Variants in SCAPER observed in about 807,000 individuals in gnomAD.
SCAPER encodes S phase cyclin A-associated protein in the endoplasmic reticulum.
A neutral mutation model predicts 182.2 loss-of-function variants in SCAPER; 98 were observed. The ratio of observed to expected loss-of-function variants is 0.54; its 90% CI spans 0.46 to 0.64. SCAPER has a LOEUF of 0.64. Among genes scored for constraint, SCAPER ranks in the 30% least tolerant of loss-of-function variants. SCAPER has a pLI of 0.00. For missense variants in SCAPER, 1,432 were observed against 1,690.0 expected (o/e 0.85, Z 2.68); for synonymous variants, 605 against 564.6 (o/e 1.07, Z -1.01).
At chr15:76,472,459 T>G (rs575223858) in intron 24 of SCAPER, 41 of 472,156 alleles carry the variant, frequency 8.7e-5, no homozygotes, top group African/African-American at 7.2e-4. Flanking sequence ...CAAAATTTGT[T>G]TTACTTTTTT....
chr15:76,490,775 A>T (rs898006007), intron 24 of SCAPER, among the ~76,000 whole-genome samples: 1 of 152,138 alleles, frequency 6.6e-6, no homozygotes, highest in Admixed American at 6.5e-5. Flanking sequence ...TTCAGGTCTT[A>T]TGTTTAAGTC....
At chr15:76,500,008 T>C (rs2040954012) in intron 24 of SCAPER, among the ~76,000 whole-genome samples, 1 of 152,230 alleles carries the variant, frequency 6.6e-6, no homozygotes, top group Non-Finnish European at 1.5e-5. Context: ...AGTGCTTTCT[T>C]TGTGCAGGGA....
chr15:76,763,888 G>A (rs2062948084), intron 14 of SCAPER, among the ~76,000 whole-genome samples: 1 of 151,664 alleles, frequency 6.6e-6, no homozygotes, highest in Non-Finnish European at 1.5e-5. Flanking sequence ...ATTTATCTGT[G>A]TTCTCTCACC....
At chr15:76,612,639 A>C (rs987932523) in intron 22 of SCAPER, among the ~76,000 whole-genome samples, 2 of 152,186 alleles carry the variant, frequency 1.3e-5, no homozygotes, top group Admixed American at 1.3e-4. Context: ...AGTCAAGCTG[A>C]GTGCCAAATC....
intron 23 of SCAPER, among the ~76,000 whole-genome samples, chr15:76,546,945 T>A (rs941601471): frequency 6.6e-6 from 1 of 152,122 alleles, no homozygotes; most frequent in African/African-American, 2.4e-5. Flanking sequence ...TTTCTGCCAT[T>A]TTTCCACTGA....
At chr15:76,553,402 G>A (rs535926920) in intron 23 of SCAPER, among the ~76,000 whole-genome samples, 9 of 152,300 alleles carry the variant, frequency 5.9e-5, no homozygotes, top group Middle Eastern at 3.4e-3. Context: ...ACCCCGCAGT[G>A]TCACCACAGA....
intron 24 of SCAPER, among the ~76,000 whole-genome samples, chr15:76,499,085 A>ATGAC (rs768350016): frequency 6.6e-6 from 1 of 152,206 alleles, no homozygotes; most frequent in Non-Finnish European, 1.5e-5. Context: ...GATAAGGACA[A>ATGAC]TGACCTTAAG....
chr15:76,527,528 C>T (rs2043299723), intron 23 of SCAPER, among the ~76,000 whole-genome samples: 1 of 152,204 alleles, frequency 6.6e-6, no homozygotes, highest in African/African-American at 2.4e-5. Flanking sequence ...TCTCTTCTTC[C>T]CTAGGCTTAA....
intron 23 of SCAPER, among the ~76,000 whole-genome samples, chr15:76,512,043 C>T (rs2042092715): frequency 2.0e-5 from 3 of 151,456 alleles, no homozygotes; most frequent in Non-Finnish European, 4.4e-5. Flanking sequence ...ACAACATGCC[C>T]GGCTAATTTT....
intron 17 of SCAPER, among the ~76,000 whole-genome samples, chr15:76,718,039 CTT>C (rs1338717184): frequency 6.6e-6 from 1 of 152,120 alleles, no homozygotes; most frequent in Non-Finnish European, 1.5e-5. Context: ...AACAAGTCGT[CTT>C]AACAAATTTA....
intron 5 of SCAPER, among the ~76,000 whole-genome samples, chr15:76,828,962 C>T (rs899809939): frequency 2.0e-5 from 3 of 152,128 alleles, no homozygotes; most frequent in Non-Finnish European, 4.4e-5. Context: ...GGTATTTACC[C>T]AAAGGAAACG....
intron 20 of SCAPER, among the ~76,000 whole-genome samples, chr15:76,683,902 T>A (rs748186382): frequency 6.8e-4 from 103 of 152,080 alleles, no homozygotes; most frequent in Non-Finnish European, 5.3e-4. Flanking sequence ...GAGTTGGAGT[T>A]CAGCCTTGTA....
chr15:76,720,667 C>A (rs2060177434), intron 17 of SCAPER, among the ~76,000 whole-genome samples: 1 of 152,328 alleles, frequency 6.6e-6, no homozygotes, highest in East Asian at 1.9e-4. Context: ...ATTTGCATTT[C>A]TCTGATGGAG....
chr15:76,507,978 C>T (rs1393117200), intron 23 of SCAPER, among the ~76,000 whole-genome samples: 1 of 152,124 alleles, frequency 6.6e-6, no homozygotes, highest in East Asian at 1.9e-4. Flanking sequence ...AATTGTACAG[C>T]TGGATGCATG....
intron 29 of SCAPER, among the ~76,000 whole-genome samples, chr15:76,374,109 G>GA (rs397767408): frequency 0.017 from 1 of 60 alleles, no homozygotes. Context: ...AAATTAGAAA[G>GA]CTGGGGGCAG....
rs370387682 is a variant in SCAPER at position 76,484,689 on chromosome 15, A to C, written c.2955-13354T>G. ...ATGCTGGCAAACTGAATCCAGCAGC[A>C]CATCAAAAAGCTTATCCACCACAAT... On this transcript the variant is annotated intron_variant, in intron 24 of 31. Transcript: ENST00000563290. Among the ~76,000 whole-genome samples the C allele has an allele frequency of 2.0e-4, 31 of 152,276 alleles. 1 individual carries two copies. In the East Asian group the frequency reaches 2.7e-3, roughly 13 times the overall value.
chr15:76,887,353 C>T (rs538123849), intron 1 of SCAPER, among the ~76,000 whole-genome samples: 1 of 152,160 alleles, frequency 6.6e-6, no homozygotes, highest in Non-Finnish European at 1.5e-5. Context: ...GCCGGGGCAT[C>T]GCCTCACCAG....
chr15:76,806,350 T>C (rs774517533), intron 5 of SCAPER, among the ~76,000 whole-genome samples: 10 of 152,346 alleles, frequency 6.6e-5, no homozygotes, highest in Non-Finnish European at 1.3e-4. Flanking sequence ...AATTCATACA[T>C]AGACGTATGA....
At chr15:76,398,532 T>G (rs2044241352) in intron 27 of SCAPER, among the ~76,000 whole-genome samples, 2 of 152,234 alleles carry the variant, frequency 1.3e-5, no homozygotes, top group Non-Finnish European at 2.9e-5. Flanking sequence ...AGTTAACATT[T>G]ACCTTTGCTT....
Sources: allele counts gnomAD v4.1 joint callset (sites outside exome capture counted in the v4.1 genomes callset), GRCh38; gene constraint gnomAD v4.1.1; transcripts MANE v1.5; gene names NCBI Gene and HGNC (gene_info 2026-07-23, HGNC 2026-07-21).